Variants in PHF19 observed in about 807,000 individuals in gnomAD.
The protein encoded by PHF19 is polycomb like 3.
Under a neutral mutation model 79.8 loss-of-function variants are expected in PHF19, and 21 were observed. That is an observed-to-expected ratio of 0.26 (90% confidence interval 0.19 to 0.38). The LOEUF is 0.38. PHF19 is among the 10% of genes least tolerant of loss of function. The pLI is 1.00. For synonymous variants in PHF19, 273 were observed against 296.3 expected, an observed-to-expected ratio of 0.92 and a Z score of 0.81; for missense variants, 445 against 744.2, an observed-to-expected ratio of 0.60 and a Z score of 4.68.
chr9:120,900,243 T>G, the PHF19 span, among the ~76,000 whole-genome samples: 1 of 152,218 alleles, frequency 6.6e-6, no homozygotes, highest in Non-Finnish European at 1.5e-5. Flanking sequence ...CACCTCAGCC[T>G]CCCAAAGTGC....
intron 3 of PHF19, among the ~76,000 whole-genome samples, chr9:120,871,552 T>C (rs2045894373): frequency 6.6e-6 from 1 of 152,248 alleles, no homozygotes; most frequent in Non-Finnish European, 1.5e-5. Flanking sequence ...CCATACATGG[T>C]GACTGGCTGA....
chr9:120,881,108 AG>A (rs2046174208), upstream of PHF19, among the ~76,000 whole-genome samples: 1 of 150,924 alleles, frequency 6.6e-6, no homozygotes, highest in Non-Finnish European at 1.5e-5. Context: ...TTGGGAAGGG[AG>A]GGACAGGAAT....
chr9:120,887,073 A>AAAAAAG (rs111427727), intron 1 of PHF19, among the ~76,000 whole-genome samples: 3,148 of 144,274 alleles, frequency 0.022, 46 homozygotes, highest in Non-Finnish European at 0.033. Context: ...CTAAAAAAAA[A>AAAAAAG]AAAAGAAAAG....
At chr9:120,897,528 T>C (rs1327861861), upstream of PHF19, among the ~76,000 whole-genome samples, 8 of 152,310 alleles carry the variant, frequency 5.3e-5, no homozygotes, top group African/African-American at 7.2e-5. Flanking sequence ...TGCTATCCAG[T>C]GGAAATATTA....
intron 1 of PHF19, among the ~76,000 whole-genome samples, chr9:120,883,886 G>A (rs2046226537): frequency 6.6e-6 from 1 of 152,096 alleles, no homozygotes; most frequent in Admixed American, 6.6e-5. Context: ...GACAAGGAGG[G>A]TCAGACCACA....
chr9:120,897,753 C>T (rs956260922), upstream of PHF19, among the ~76,000 whole-genome samples: 2 of 151,954 alleles, frequency 1.3e-5, no homozygotes, highest in South Asian at 2.1e-4. Flanking sequence ...CCGAGGCAGG[C>T]GGATCACTTG....
In PHF19 at chr9:120,866,133, G is replaced by T; in HGVS notation, c.711-37C>A. Reference sequence around the variant, plus strand: ...TAGAGACGGGGGCCTATGGTGGGAGGGGCTCTGACACCCCCACCCCAGTCC... The same window carrying T: ...TAGAGACGGGGGCCTATGGTGGGAGTGGCTCTGACACCCCCACCCCAGTCC... On this transcript the variant is annotated intron_variant, in intron 7 of 14. Transcript: ENST00000373896. The surrounding 1 kb of genome is among the most constrained non-coding windows in gnomAD (Gnocchi z 5.2). The T allele has an allele frequency of 6.9e-7, 1 of 1,454,604 alleles. No individual in the cohort carries two copies. The highest frequency in any genetic ancestry group is 9.7e-7 in the Non-Finnish European group (1 of 1,035,002). The allele number at this position is 1,454,604 out of a possible 1,614,324, so 90.1% of individuals were successfully genotyped here.
At chr9:120,881,907 G>A (rs551881989), upstream of PHF19, among the ~76,000 whole-genome samples, 3 of 152,294 alleles carry the variant, frequency 2.0e-5, no homozygotes, top group African/African-American at 4.8e-5. Flanking sequence ...GGTTCCAGGT[G>A]CACGCTATCA....
At chr9:120,886,179 G>A (rs925024861) in intron 1 of PHF19, among the ~76,000 whole-genome samples, 1 of 152,248 alleles carries the variant, frequency 6.6e-6, no homozygotes, top group Non-Finnish European at 1.5e-5. Flanking sequence ...AGAGAGCCCA[G>A]CTGTGTGGGA....
chr9:120,869,125 C>T lies in PHF19; in HGVS notation c.614+57G>A. 2 of 1,539,160 alleles carry T rather than the reference C, an allele frequency of 1.3e-6. No individual in the cohort carries two copies. Among genetic ancestry groups the T allele is most frequent in the South Asian group, 1.2e-5 (1 of 82,674 alleles). ...GCTCGCTCCCTATGGGCGGTCCCTG[C>T]TGGCGATTCTTGGAGACCTGCCCTG... On this transcript the variant is annotated intron_variant, in intron 6 of 14. Coordinates refer to ENST00000373896, the MANE Select transcript of PHF19 (RefSeq NM_015651.3). The surrounding 1 kb of genome is among the most constrained non-coding windows in gnomAD (Gnocchi z 5.8).
At chr9:120,868,209 C>T (rs2045763018) in intron 6 of PHF19, 1 of 152,414 alleles carries the variant, frequency 6.6e-6, no homozygotes, top group Admixed American at 6.5e-5. Context: ...GAAGCTGGGA[C>T]TACAGGCGTG....
the PHF19 span, among the ~76,000 whole-genome samples, chr9:120,900,708 A>G: frequency 6.6e-6 from 1 of 152,262 alleles, no homozygotes; most frequent in African/African-American, 2.4e-5. Flanking sequence ...CTGGGAGTGC[A>G]GGCATATGGC....
chr9:120,882,002 C>G (rs1564515331), upstream of PHF19, among the ~76,000 whole-genome samples: 3 of 152,330 alleles, frequency 2.0e-5, no homozygotes, highest in East Asian at 5.8e-4. Flanking sequence ...CTTCATGATC[C>G]ACCAGCCTTG....
At position 120,857,886 on chromosome 9, in the gene PHF19, T is replaced by A. The variant is rs1257353111; in HGVS notation, c.*58A>T. The A allele has an allele frequency of 9.6e-7, 1 of 1,036,840 alleles. No homozygotes were observed. The highest frequency in any genetic ancestry group is 2.3e-4 in the Middle Eastern group (1 of 4,390). The allele number at this position is 1,036,840 out of a possible 1,614,324, so 64.2% of individuals were successfully genotyped here. A position where few individuals can be genotyped will look rare whatever the true frequency, so the allele number is the denominator to read the frequency against. ...CCAGCCTGGAGAAAGCTGGGGAGCC[T>A]ATGGCTTCTGCTGCTCCTCCTTTGG... On this transcript the variant is annotated 3_prime_UTR_variant, in exon 15 of 15. Coordinates refer to ENST00000373896, the MANE Select transcript of PHF19 (RefSeq NM_015651.3).
At position 120,869,692 on chromosome 9, in the gene PHF19, A is replaced by G. The variant is rs2045830504; in HGVS notation, c.465+153T>C. The G allele has an allele frequency of 6.4e-7, 1 of 1,552,408 alleles. No individual in the cohort carries two copies. Among genetic ancestry groups the G allele is most frequent in the African/African-American group, 1.4e-5 (1 of 73,150 alleles). On this transcript the variant is annotated intron_variant, in intron 5 of 14. Coordinates refer to ENST00000373896, the MANE Select transcript of PHF19 (RefSeq NM_015651.3). This position sits in a 1 kb window ranked among gnomAD's most constrained non-coding sequence, Gnocchi z 5.8. ...AAACTGAGGCTCAGGGAGTCTACAA[A>G]TCCTGGCCAAGGACAGTGGCAGAGG...
chr9:120,860,669 G>T lies in PHF19; in HGVS notation c.1304+420C>A. ...TTTGGAAAATAAAATGATGGAAGAT[G>T]CAGTTCCTCCCTTGGACATACTTAA... On this transcript the variant is annotated intron_variant, in intron 13 of 14. Coordinates refer to ENST00000373896, the MANE Select transcript of PHF19 (RefSeq NM_015651.3). The surrounding 1 kb of genome is among the most constrained non-coding windows in gnomAD (Gnocchi z 4.1). The T allele has an allele frequency of 4.4e-6, 1 of 228,014 alleles. No homozygotes were observed. Among genetic ancestry groups the T allele is most frequent in the South Asian group, 6.8e-5 (1 of 14,626 alleles). The allele number at this position is 228,014 out of a possible 1,614,324, so 14.1% of individuals were successfully genotyped here. A position where few individuals can be genotyped will look rare whatever the true frequency, so the allele number is the denominator to read the frequency against.
chr9:120,900,821 C>A, the PHF19 span, among the ~76,000 whole-genome samples: 1 of 152,250 alleles, frequency 6.6e-6, no homozygotes, highest in Non-Finnish European at 1.5e-5. Flanking sequence ...CCTGCCTTGG[C>A]TTCCCAAGTG....
intron 1 of PHF19, among the ~76,000 whole-genome samples, chr9:120,887,621 AACACACACAC>A (rs764204141): frequency 3.5e-5 from 4 of 113,590 alleles, no homozygotes; most frequent in Non-Finnish European, 7.2e-5. Flanking sequence ...TTTATGAACA[AACACACACAC>A]ACACACACAC....
chr9:120,872,037 C>CAAAAAAAAAG (rs2045912428), intron 3 of PHF19, among the ~76,000 whole-genome samples: 26 of 30,324 alleles, frequency 8.6e-4, no homozygotes, highest in African/African-American at 2.0e-3. Flanking sequence ...GACTCTGTCT[C>CAAAAAAAAAG]AAAAAAAAAA....
Sources: gnomAD v4.1 joint callset for allele counts (sites outside exome capture counted in the v4.1 genomes callset) on GRCh38, gnomAD v4.1.1 for gene constraint, Gnocchi (gnomAD v3.1) non-coding constraint, MANE v1.5 for transcripts, NCBI Gene and HGNC (gene_info 2026-07-23, HGNC 2026-07-21) for gene names.